Variants in LRRC4C observed in about 807,000 individuals in gnomAD.
LRRC4C encodes the protein leucine-rich repeat-containing protein 4C.
In LRRC4C, 5 loss-of-function variants were observed where a neutral mutation model predicts 33.6. That is an observed-to-expected ratio of 0.15 (90% CI 0.08 to 0.31). LRRC4C has a LOEUF of 0.31. Among genes scored for constraint, LRRC4C ranks in the 10% least tolerant of loss-of-function variants. LRRC4C has a pLI of 1.00. For missense variants in LRRC4C, 560 were observed against 796.7 expected (o/e 0.70, Z 3.58); for synonymous variants, 329 against 302.0 (o/e 1.09, Z -0.93).
intron 1 of LRRC4C, among the ~76,000 whole-genome samples, chr11:41,385,177 G>A (rs922618432): frequency 2.0e-5 from 3 of 150,930 alleles, no homozygotes; most frequent in Non-Finnish European, 3.0e-5. Flanking sequence ...AGATTCTCTC[G>A]ACCCTCTGTC....
chr11:40,313,022 G>A (rs1422466844), intron 4 of LRRC4C, among the ~76,000 whole-genome samples: 1 of 152,072 alleles, frequency 6.6e-6, no homozygotes, highest in Non-Finnish European at 1.5e-5. Context: ...CACGCCAGAA[G>A]TGGTCTTAGC....
At chr11:41,082,213 C>T (rs1939626694) in intron 1 of LRRC4C, among the ~76,000 whole-genome samples, 1 of 152,186 alleles carries the variant, frequency 6.6e-6, no homozygotes, top group African/African-American at 2.4e-5. Flanking sequence ...GTGGAATCAG[C>T]TTCTATAGAA....
chr11:40,370,317 C>G (rs915622521), intron 3 of LRRC4C, among the ~76,000 whole-genome samples: 1 of 152,156 alleles, frequency 6.6e-6, no homozygotes, highest in East Asian at 1.9e-4. Flanking sequence ...ACCGCAACAT[C>G]TAAAACACTC....
intron 3 of LRRC4C, among the ~76,000 whole-genome samples, chr11:40,450,134 A>G (rs1334439823): frequency 6.6e-6 from 1 of 152,168 alleles, no homozygotes; most frequent in Non-Finnish European, 1.5e-5. Flanking sequence ...GGTATAGGGC[A>G]AAGGTCATGA....
chr11:40,131,500 A>G (rs1291483004), intron 6 of LRRC4C, among the ~76,000 whole-genome samples: 1 of 152,196 alleles, frequency 6.6e-6, no homozygotes, highest in Non-Finnish European at 1.5e-5. Flanking sequence ...CAATATAGGA[A>G]TAAATATGTG....
chr11:41,130,675 T>C (rs1168682597), intron 1 of LRRC4C, among the ~76,000 whole-genome samples: 1 of 152,060 alleles, frequency 6.6e-6, no homozygotes, highest in Non-Finnish European at 1.5e-5. Flanking sequence ...ATACATTCAT[T>C]TGCCAATTGT....
chr11:40,817,729 T>A (rs1951763805), intron 2 of LRRC4C, among the ~76,000 whole-genome samples: 1 of 152,178 alleles, frequency 6.6e-6, no homozygotes, highest in Non-Finnish European at 1.5e-5. Flanking sequence ...GTTTAACTCA[T>A]CAACTTTCAC....
At chr11:40,907,330 G>A (rs1470306159) in intron 2 of LRRC4C, among the ~76,000 whole-genome samples, 1 of 152,128 alleles carries the variant, frequency 6.6e-6, no homozygotes. Flanking sequence ...GCTTCAGTGA[G>A]GAAAGTTACT....
intron 3 of LRRC4C, among the ~76,000 whole-genome samples, chr11:40,487,041 C>A (rs1590887699): frequency 6.6e-6 from 1 of 152,080 alleles, no homozygotes; most frequent in South Asian, 2.1e-4. Context: ...TACGGCGGGG[C>A]TCCTAGAAAG....
intron 1 of LRRC4C, among the ~76,000 whole-genome samples, chr11:41,210,907 G>A (rs191507413): frequency 1.3e-5 from 2 of 152,166 alleles, no homozygotes; most frequent in Non-Finnish European, 2.9e-5. Flanking sequence ...CAGATCATTG[G>A]GCATTAGTTA....
intron 4 of LRRC4C, among the ~76,000 whole-genome samples, chr11:40,242,657 G>T (rs1328465240): frequency 6.6e-6 from 1 of 152,068 alleles, no homozygotes; most frequent in Non-Finnish European, 1.5e-5. Flanking sequence ...ACATACACAA[G>T]TGAACCTGAA....
At chr11:40,717,117 AC>A (rs368020836) in intron 2 of LRRC4C, among the ~76,000 whole-genome samples, 405 of 152,200 alleles carry the variant, frequency 2.7e-3, no homozygotes, top group African/African-American at 9.6e-3. Context: ...TGGGCTTACA[AC>A]CTTTATAAAT....
At position 41,369,518 on chromosome 11, in the gene LRRC4C, C is replaced by T. The variant is rs191944273; in HGVS notation, c.-496+89913G>A. On this transcript the variant is annotated intron_variant, in intron 1 of 6. Coordinates refer to ENST00000528697, the MANE Select transcript of LRRC4C (RefSeq NM_001258419.2). Reference sequence around the variant, plus strand: ...CAAGTTTACCTACATAACAAACCTGCACATGTACCCCTGAGCTTAAAATAA... The same window carrying T: ...CAAGTTTACCTACATAACAAACCTGTACATGTACCCCTGAGCTTAAAATAA... Among the ~76,000 whole-genome samples, 512 of 151,400 alleles carry T rather than the reference C, an allele frequency of 3.4e-3. 2 individuals are homozygous for T. Among genetic ancestry groups the T allele is most frequent in the Non-Finnish European group, 3.5e-3 (240 of 67,880 alleles).
chr11:41,380,132 G>A (rs927580709), intron 1 of LRRC4C, among the ~76,000 whole-genome samples: 2 of 152,128 alleles, frequency 1.3e-5, no homozygotes, highest in African/African-American at 4.8e-5. Flanking sequence ...CAGCTTTAGA[G>A]TAGCTAATTT....
At chr11:40,116,588 T>C (rs995442227) in intron 6 of LRRC4C, among the ~76,000 whole-genome samples, 2 of 152,174 alleles carry the variant, frequency 1.3e-5, no homozygotes, top group Non-Finnish European at 2.9e-5. Flanking sequence ...AGGACACTAA[T>C]GTATTGTTTA....
chr11:40,767,963 AAAG>A (rs1949556153), intron 2 of LRRC4C, among the ~76,000 whole-genome samples: 1 of 152,072 alleles, frequency 6.6e-6, no homozygotes, highest in Non-Finnish European at 1.5e-5. Flanking sequence ...TGTAGAAAAA[AAAG>A]AAATAAAATG....
At chr11:41,121,187 T>G (rs1016370635) in intron 1 of LRRC4C, among the ~76,000 whole-genome samples, 2 of 152,214 alleles carry the variant, frequency 1.3e-5, no homozygotes, top group African/African-American at 4.8e-5. Flanking sequence ...CTTTTTTCAA[T>G]TATCACTTTT....
At chr11:40,679,263 ACC>A (rs1359089751) in intron 2 of LRRC4C, among the ~76,000 whole-genome samples, 1 of 151,698 alleles carries the variant, frequency 6.6e-6, no homozygotes, top group African/African-American at 2.4e-5. Context: ...TGTTAAAGGC[ACC>A]TTTTTTTTTA....
chr11:41,385,424 T>C (rs914326272), intron 1 of LRRC4C, among the ~76,000 whole-genome samples: 1 of 151,474 alleles, frequency 6.6e-6, no homozygotes, highest in African/African-American at 2.4e-5. Context: ...ATACAGAGTA[T>C]AAAGATTGCT....
Sources: allele counts gnomAD v4.1 joint callset (sites outside exome capture counted in the v4.1 genomes callset), GRCh38; gene constraint gnomAD v4.1.1; transcripts MANE v1.5; gene names NCBI Gene and HGNC (gene_info 2026-07-23, HGNC 2026-07-21).